LAMA3: variants seen among roughly 807,000 people sequenced by gnomAD.
LAMA3 encodes laminin subunit alpha 3.
LAMA3 carries 281 observed loss-of-function variants against 402.0 expected under a neutral mutation model. The ratio of observed to expected loss-of-function variants is 0.70; its 90% CI spans 0.63 to 0.77. The LOEUF is 0.77. Among genes scored for constraint, LAMA3 ranks in the 30% least tolerant of loss-of-function variants. The probability of loss-of-function intolerance (pLI) is 0.00; values close to 1 mark genes in which losing one functional copy is unlikely to be tolerated. For synonymous variants in LAMA3, 1,431 were observed against 1,558.4 expected, an observed-to-expected ratio of 0.92 and a Z score of 1.93; for missense variants, 3,840 against 4,215.5, an observed-to-expected ratio of 0.91 and a Z score of 2.47.
intron 7 of LAMA3, among the ~76,000 whole-genome samples, chr18:23,762,696 T>C (rs2061994036): frequency 1.3e-5 from 2 of 151,966 alleles, no homozygotes; most frequent in South Asian, 4.2e-4. Flanking sequence ...TTTGAAGATA[T>C]GATTATATAT....
At position 23,949,904 on chromosome 18, in the gene LAMA3, AAGG is replaced by A. The variant is rs1568381838; in HGVS notation, c.9495_9497del (p.Gly3166del). On this transcript the variant is annotated inframe_deletion, in exon 71 of 75. Transcript: ENST00000313654. ...GAGAAAGGCATTTATTTCTCTGAAG[AAGG>A]AGGTCATGTCGTCTTGGGTAAGGAG... The A allele has an allele frequency of 6.2e-7, 1 of 1,614,086 alleles. No individual in the cohort carries two copies. Among genetic ancestry groups the A allele is most frequent in the South Asian group, 1.1e-5 (1 of 91,074 alleles).
chr18:23,911,994 A>G (rs545293795), intron 55 of LAMA3, among the ~76,000 whole-genome samples: 1 of 143,924 alleles, frequency 6.9e-6, no homozygotes, highest in East Asian at 2.0e-4. Flanking sequence ...ATTAAAATGT[A>G]TATTTATATA....
Position 23,839,977 on chromosome 18 carries a change from A to G in LAMA3, c.3336+48A>G. The G allele has an allele frequency of 1.9e-6, 3 of 1,593,960 alleles. No individual in the cohort carries two copies. The highest frequency in any genetic ancestry group is 2.6e-6 in the Non-Finnish European group (3 of 1,161,772). ...GTGGTTCTCAAAGTATGACCTCTGA[A>G]GCAGCAGCATCCACATCACTTGGAA... On this transcript the variant is annotated intron_variant, in intron 27 of 74. Coordinates refer to ENST00000313654, the MANE Select transcript of LAMA3 (RefSeq NM_198129.4). This position sits in a 1 kb window ranked among gnomAD's most constrained non-coding sequence, Gnocchi z 4.5.
intron 2 of LAMA3, among the ~76,000 whole-genome samples, chr18:23,735,178 G>C (rs945048964): frequency 6.6e-6 from 1 of 152,194 alleles, no homozygotes; most frequent in Non-Finnish European, 1.5e-5. Flanking sequence ...GGCTCTCCCC[G>C]TTGTGCCATC....
chr18:23,829,836 A>T (rs2063459595), intron 23 of LAMA3, among the ~76,000 whole-genome samples: 2 of 152,154 alleles, frequency 1.3e-5, no homozygotes, highest in Non-Finnish European at 2.9e-5. Context: ...ATATGTACCC[A>T]TTGCTTAGCT....
At position 23,751,781 on chromosome 18, in the gene LAMA3, C is replaced by T. The variant is rs183538904; in HGVS notation, c.855+693C>T. Among the ~76,000 whole-genome samples, 12 of 152,286 alleles carry T rather than the reference C, an allele frequency of 7.9e-5. No homozygotes were observed. The East Asian group carries it at 2.1e-3, about 27-fold the overall frequency. Reference sequence around the variant, plus strand: ...CTCACTCTCAGGTGTCAGGGCAGTACACTTGTCTCCTGGGCACAGAGGGAG... The same window carrying T: ...CTCACTCTCAGGTGTCAGGGCAGTATACTTGTCTCCTGGGCACAGAGGGAG... On this transcript the variant is annotated intron_variant, in intron 5 of 74. Transcript: ENST00000313654.
chr18:23,731,946 T>C (rs1355623896), intron 2 of LAMA3, among the ~76,000 whole-genome samples: 1 of 152,164 alleles, frequency 6.6e-6, no homozygotes, highest in Non-Finnish European at 1.5e-5. Context: ...AATAAAAGGC[T>C]AATGGCTTTA....
intron 27 of LAMA3, among the ~76,000 whole-genome samples, chr18:23,841,321 A>G (rs748419901): frequency 6.6e-6 from 1 of 152,218 alleles, no homozygotes; most frequent in South Asian, 2.1e-4. Flanking sequence ...TAAAAGATTC[A>G]TTACTCAAAA....
chr18:23,878,106 A>AAAAAC (rs1207612873), intron 39 of LAMA3, among the ~76,000 whole-genome samples: 2 of 152,234 alleles, frequency 1.3e-5, no homozygotes, highest in Non-Finnish European at 2.9e-5. Flanking sequence ...ACTCTGTCTA[A>AAAAAC]AAAACAAAAC....
At chr18:23,759,466 A>G (rs1254891173) in intron 7 of LAMA3, among the ~76,000 whole-genome samples, 4 of 152,148 alleles carry the variant, frequency 2.6e-5, no homozygotes, top group Non-Finnish European at 5.9e-5. Flanking sequence ...AAAACATTTC[A>G]TTCACTGCAA....
At chr18:23,722,571 G>C (rs2061233394) in intron 2 of LAMA3, among the ~76,000 whole-genome samples, 1 of 152,106 alleles carries the variant, frequency 6.6e-6, no homozygotes, top group African/African-American at 2.4e-5. Flanking sequence ...ATTTACATTT[G>C]TTGGTTTTCA....
At chr18:23,916,866 T>C (rs2081644760) in intron 60 of LAMA3, among the ~76,000 whole-genome samples, 171 bp downstream of exon 60, 1 of 138,288 alleles carries the variant, frequency 7.2e-6, no homozygotes, top group South Asian at 2.3e-4. Context: ...GGAAATGTAC[T>C]TTTTTTTTTT....
intron 11 of LAMA3, among the ~76,000 whole-genome samples, chr18:23,777,946 C>A (rs73969522): frequency 0.02 from 2,976 of 152,258 alleles, 96 homozygotes; most frequent in African/African-American, 0.068. Context: ...GAATGGAGAG[C>A]AAGTCATTTA....
rs143619507 is a variant in LAMA3, at chr18:23,819,101, T to C, written c.2148-740T>C. Among the ~76,000 whole-genome samples the C allele has an allele frequency of 1.1e-4, 16 of 152,312 alleles. No homozygotes were observed. In the East Asian group the frequency reaches 2.9e-3, roughly 28 times the overall value. On this transcript the variant is annotated intron_variant, in intron 18 of 74. Coordinates refer to ENST00000313654, the MANE Select transcript of LAMA3 (RefSeq NM_198129.4). ...TGCAGTATAGGAGCATGGCCTTTTA[T>C]TTCCTTAAACAAATTCATCTTTATG... is the stretch of plus-strand genomic sequence containing the variant.
chr18:23,750,789 C>A, intron 4 of LAMA3, 129 bp from the exon 5 acceptor site: 1 of 899,120 alleles, frequency 1.1e-6, no homozygotes, highest in South Asian at 1.4e-5. Flanking sequence ...AGACCCAAGA[C>A]CCCCTACGAA....
In LAMA3 at chr18:23,752,366, ATCTATGTATATT is replaced by A. The variant is rs1196668607; in HGVS notation, c.855+1279_855+1290del. 3.3e-5 allele frequency among the ~76,000 whole-genome samples: 5 copies of A among 152,080 alleles called. No individual in the cohort carries two copies. The East Asian group carries it at 9.6e-4, about 29-fold the overall frequency. On this transcript the variant is annotated intron_variant, in intron 5 of 74. Coordinates refer to ENST00000313654, the MANE Select transcript of LAMA3 (RefSeq NM_198129.4). ...GGTTGCAAGATTTGCAGTCATATATATCTATGTATATTACTTTTCACTTAGATGAATACAGGC... is the reference window on the plus strand; with the variant it reads ...GGTTGCAAGATTTGCAGTCATATATAACTTTTCACTTAGATGAATACAGGC...
rs1170697609 is a variant in LAMA3, at chr18:23,949,823, C to G, written c.9410C>G (p.Pro3137Arg). 1 of 1,613,964 alleles carries G rather than the reference C, an allele frequency of 6.2e-7. No homozygotes were observed. Among genetic ancestry groups the G allele is most frequent in the Admixed American group, 1.7e-5 (1 of 60,012 alleles). Reference protein sequence around the residue: ...CLKNFQLDSKPLYTPSSSFGV... With the variant: ...CLKNFQLDSKRLYTPSSSFGV... ...AAGAACTTTCAGCTGGATTCAAAAC[C>G]CTTGTATACCCCTTCTTCAAGCTTC... The change falls in exon 71 of 75, where the codon CCC becomes CGC. Residue 3137 changes from proline (P) to arginine (R), a missense_variant. Around this residue, in one of 3 missense-constraint regions of LAMA3, gnomAD observed 840 missense variants for 981.9 expected, o/e 0.86. Transcript: ENST00000313654.
At chr18:23,863,002 GGAGAGAGAGAGAGAGAGAAAGAGAGA>G (rs1262684228) in intron 35 of LAMA3, among the ~76,000 whole-genome samples, 4 of 148,632 alleles carry the variant, frequency 2.7e-5, no homozygotes, top group Non-Finnish European at 6.0e-5. Flanking sequence ...ACAGGGTGGG[GGAGAGAGAGAGAGAGAGAAAGAGAGA>G]GAGAGAGAGA....
chr18:23,940,673 A>G (rs2082470594), intron 68 of LAMA3, among the ~76,000 whole-genome samples: 1 of 152,148 alleles, frequency 6.6e-6, no homozygotes, highest in South Asian at 2.1e-4. Context: ...ACAGGCAGAG[A>G]GAGGTAAAGG....
Sources: allele counts gnomAD v4.1 joint callset (sites outside exome capture counted in the v4.1 genomes callset), GRCh38; gene constraint gnomAD v4.1.1; regional missense constraint gnomAD v4.1.1; non-coding constraint Gnocchi (gnomAD v3.1); transcripts MANE v1.5; gene names NCBI Gene and HGNC (gene_info 2026-07-23, HGNC 2026-07-21).